The following MGAT5 variants were observed in gnomAD, a reference collection of about 807,000 sequenced individuals.
MGAT5 encodes alpha-1,6-mannosylglycoprotein 6-beta-N-acetylglucosaminyltransferase A.
In MGAT5, 30 loss-of-function variants were observed where a neutral mutation model predicts 94.3. That is an observed-to-expected ratio of 0.32 (90% CI 0.24 to 0.43). The LOEUF is 0.43. Ranked by LOEUF, MGAT5 falls within the 20% of genes least tolerant of loss-of-function variation. The pLI, the probability that MGAT5 is intolerant of heterozygous loss-of-function variation, is 1.00. For missense variants in MGAT5, 691 were observed against 905.5 expected (o/e 0.76, Z 3.04); for synonymous variants, 310 against 322.9 (o/e 0.96, Z 0.43).
At position 134,428,366 on chromosome 2, in the gene MGAT5, T is replaced by C. The variant is rs780190311; in HGVS notation, c.1796T>C (p.Ile599Thr). The change falls in exon 14 of 16, where the codon ATT becomes ACT. Residue 599 changes from isoleucine (I) to threonine (T), a missense_variant and splice_region_variant. By Grantham distance (89) the Ile-to-Thr change is moderately conservative. This residue lies in a region of MGAT5 where 260 missense variants were observed against 347.0 expected (regional missense o/e 0.75). Transcript: ENST00000281923. ...TGGTATCATGCTCTGTTTCCACAGA[T>C]TGAGCCATACATGCCATATGAATTT... ...DAVKAILNQK[I>T]EPYMPYEFTC... 4.3e-6 allele frequency: 7 copies of C among 1,613,874 alleles called. No homozygotes were observed. The African/African-American group carries it at 9.3e-5, about 22-fold the overall frequency.
At chr2:134,123,538 C>G (rs1188593363) in intron 1 of MGAT5, among the ~76,000 whole-genome samples, 1 of 152,226 alleles carries the variant, frequency 6.6e-6, no homozygotes, top group Non-Finnish European at 1.5e-5. Context: ...GTCTTCCTTC[C>G]TCCTTGTGTG....
intron 13 of MGAT5, 104 bp downstream of exon 13, chr2:134,423,023 C>A: frequency 2.6e-6 from 2 of 773,846 alleles, no homozygotes; most frequent in Non-Finnish European, 4.3e-6. Flanking sequence ...TTTACCACAT[C>A]AGCTTAACTC....
intron 2 of MGAT5, among the ~76,000 whole-genome samples, chr2:134,287,168 A>G (rs918118810): frequency 6.6e-6 from 1 of 152,010 alleles, no homozygotes; most frequent in East Asian, 1.9e-4. Context: ...CTTCCTGTTC[A>G]TCTTATGGCT....
At chr2:134,156,116 C>T (rs1338536295) in intron 1 of MGAT5, among the ~76,000 whole-genome samples, 1 of 152,190 alleles carries the variant, frequency 6.6e-6, no homozygotes, top group Non-Finnish European at 1.5e-5. Context: ...CTACTGCTCC[C>T]TAACTGTGAG....
At chr2:134,322,145 A>G (rs1188684175) in intron 4 of MGAT5, among the ~76,000 whole-genome samples, 1 of 152,190 alleles carries the variant, frequency 6.6e-6, no homozygotes, top group African/African-American at 2.4e-5. Flanking sequence ...CCCGGCAGAT[A>G]AAAGACACTC....
At chr2:134,353,764 G>C (rs1679542597) in intron 9 of MGAT5, among the ~76,000 whole-genome samples, 1 of 152,138 alleles carries the variant, frequency 6.6e-6, no homozygotes, top group Non-Finnish European at 1.5e-5. Flanking sequence ...CAAGTAACAG[G>C]TTGATGGAAA....
intron 4 of MGAT5, among the ~76,000 whole-genome samples, chr2:134,332,818 A>G (rs1444409879): frequency 6.6e-6 from 1 of 152,234 alleles, no homozygotes; most frequent in Non-Finnish European, 1.5e-5. Flanking sequence ...TATGCAGCCA[A>G]AAAACACATG....
chr2:134,430,859 G>A (rs185141440), intron 14 of MGAT5, among the ~76,000 whole-genome samples: 1 of 152,326 alleles, frequency 6.6e-6, no homozygotes, highest in African/African-American at 2.4e-5. Flanking sequence ...GTAGCTGCAA[G>A]TTTCATGGAG....
At position 134,286,018 on chromosome 2, in the gene MGAT5, C is replaced by T. The variant is rs539200023; in HGVS notation, c.406+15468C>T. On this transcript the variant is annotated intron_variant, in intron 2 of 15. Coordinates refer to ENST00000281923, the MANE Select transcript of MGAT5 (RefSeq NM_002410.5). The stretch of plus-strand genomic sequence containing the variant: ...TTTTCCCAGCGTTAATAATTTACTT[C>T]TTATGTTTGCATTGTTTTGATTAAT... 4.6e-5 allele frequency among the ~76,000 whole-genome samples: 7 copies of T among 152,212 alleles called. No individual in the cohort carries two copies. In the South Asian group the frequency reaches 1.5e-3, roughly 32 times the overall value.
intron 1 of MGAT5, among the ~76,000 whole-genome samples, chr2:134,263,035 G>A (rs1683437669): frequency 6.6e-6 from 1 of 152,186 alleles, no homozygotes; most frequent in African/African-American, 2.4e-5. Context: ...GATCTAACCA[G>A]GGCATTGGTG....
intron 1 of MGAT5, among the ~76,000 whole-genome samples, chr2:134,241,619 T>C (rs920444480): frequency 6.6e-6 from 1 of 152,250 alleles, no homozygotes; most frequent in Non-Finnish European, 1.5e-5. Flanking sequence ...TTTGGAACAT[T>C]AGCAAAGATA....
intron 5 of MGAT5, among the ~76,000 whole-genome samples, chr2:134,338,012 C>A (rs1688426299): frequency 6.6e-6 from 1 of 152,114 alleles, no homozygotes; most frequent in South Asian, 2.1e-4. Context: ...CTTTGTAATG[C>A]CTGTGCTGCT....
intron 2 of MGAT5, among the ~76,000 whole-genome samples, chr2:134,281,874 A>T (rs955274003): frequency 3.3e-5 from 5 of 152,252 alleles, no homozygotes; most frequent in Non-Finnish European, 7.3e-5. Flanking sequence ...TTTGCAGAAG[A>T]ACAAAGTAAA....
intron 15 of MGAT5, among the ~76,000 whole-genome samples, chr2:134,447,050 T>TACATAC (rs892071027): frequency 6.6e-6 from 1 of 152,182 alleles, no homozygotes; most frequent in African/African-American, 2.4e-5. Context: ...AATGATGCTT[T>TACATAC]ACATACACAT....
chr2:134,260,895 A>T (rs891336456), intron 1 of MGAT5, among the ~76,000 whole-genome samples: 2 of 152,060 alleles, frequency 1.3e-5, no homozygotes, highest in Non-Finnish European at 2.9e-5. Context: ...GGCTGGTGTG[A>T]TTAAAGAAAG....
intron 2 of MGAT5, among the ~76,000 whole-genome samples, chr2:134,283,656 T>TC (rs1684835841): frequency 7.5e-6 from 1 of 132,590 alleles, no homozygotes; most frequent in Non-Finnish European, 1.7e-5. Flanking sequence ...TTTTTTTTTT[T>TC]TTTTTTTTTT....
At chr2:134,296,281 A>T (rs1446270780) in intron 2 of MGAT5, among the ~76,000 whole-genome samples, 1 of 152,196 alleles carries the variant, frequency 6.6e-6, no homozygotes, top group Non-Finnish European at 1.5e-5. Flanking sequence ...ATATAAAACT[A>T]GCTGGACCTG....
intron 1 of MGAT5, among the ~76,000 whole-genome samples, chr2:134,130,064 C>G (rs889665122): frequency 6.6e-6 from 1 of 152,190 alleles, no homozygotes; most frequent in Non-Finnish European, 1.5e-5. Context: ...GGCTTAGCAC[C>G]CGTGCCAGCA....
chr2:134,377,815 G>A (rs982004016), intron 10 of MGAT5, among the ~76,000 whole-genome samples: 10 of 152,074 alleles, frequency 6.6e-5, no homozygotes, highest in Non-Finnish European at 1.0e-4. Context: ...CCTGTTAGCC[G>A]GAGCAAAAGG....
Sources: gnomAD v4.1 joint callset for allele counts (sites outside exome capture counted in the v4.1 genomes callset) on GRCh38, gnomAD v4.1.1 for gene constraint, gnomAD v4.1.1 regional missense constraint, MANE v1.5 for transcripts, NCBI Gene and HGNC (gene_info 2026-07-23, HGNC 2026-07-21) for gene names.